The following RGSL1 variants were observed in gnomAD, a reference collection of about 807,000 sequenced individuals.
RGSL1 encodes regulator of G protein signaling protein-like.
RGSL1 carries 97 observed loss-of-function variants against 124.7 expected under a neutral mutation model. That is an observed-to-expected ratio of 0.78 (90% confidence interval 0.66 to 0.92). The LOEUF (loss-of-function observed/expected upper bound fraction) is 0.92, where lower values mean the gene tolerates loss of function less well. Ranked by LOEUF, RGSL1 falls within the 40% of genes least tolerant of loss-of-function variation. The probability of loss-of-function intolerance (pLI) is 0.00; values close to 1 mark genes in which losing one functional copy is unlikely to be tolerated. For synonymous variants in RGSL1, 424 were observed against 438.1 expected (o/e 0.97, Z 0.40); for missense variants, 1,233 against 1,288.4 (o/e 0.96, Z 0.66).
At chr1:182,462,530 T>C (rs1652932701) in intron 4 of RGSL1, among the ~76,000 whole-genome samples, 1 of 152,180 alleles carries the variant, frequency 6.6e-6, no homozygotes, top group Non-Finnish European at 1.5e-5. Flanking sequence ...ATTTAAGAGA[T>C]TAATATATGT....
intron 18 of RGSL1, among the ~76,000 whole-genome samples, chr1:182,552,756 G>T (rs937658493): frequency 6.6e-6 from 1 of 152,212 alleles, no homozygotes; most frequent in African/African-American, 2.4e-5. Flanking sequence ...AGGGCTTTAC[G>T]CTGCATCACC....
intron 21 of RGSL1, 93 bp downstream of exon 21, chr1:182,556,315 TC>T (rs1459022716): frequency 1.1e-4 from 46 of 429,840 alleles, no homozygotes; most frequent in Non-Finnish European, 1.6e-4. Context: ...CTCCACATCT[TC>T]CTGGCTGTGT....
intron 20 of RGSL1, chr1:182,555,167 T>A (rs1660793705): frequency 6.4e-6 from 1 of 157,328 alleles, no homozygotes; most frequent in African/African-American, 2.4e-5. Context: ...CTCCAGTGTC[T>A]ATTATTTCGC....
chr1:182,527,764 T>G lies in RGSL1; in HGVS notation c.2117T>G (p.Leu706Arg). The G allele has an allele frequency of 6.5e-7, 1 of 1,549,506 alleles. No homozygotes were observed. The highest frequency in any genetic ancestry group is 8.7e-7 in the Non-Finnish European group (1 of 1,145,618). The stretch of plus-strand genomic sequence containing the variant: ...ATCAAGACTTTCTTCCAAGGCCAAC[T>G]CTCTCCTGGTATGCATCCTCTTCTG... The part of the protein sequence containing the change: ...NVIKTFFQGQ[L>R]SPEEMLQCDA... The change falls in exon 11 of 22, where the codon CTC (leucine) becomes CGC (arginine). Residue 706 changes from leucine to arginine, a missense_variant. By Grantham distance (102) the Leu-to-Arg change is moderately radical. Transcript: ENST00000294854.
At chr1:182,452,114 C>A (rs1651890927) in intron 1 of RGSL1, among the ~76,000 whole-genome samples, 1 of 151,922 alleles carries the variant, frequency 6.6e-6, no homozygotes, top group Non-Finnish European at 1.5e-5. Flanking sequence ...GTAACTGGGA[C>A]TGGGAATGTA....
chr1:182,509,288 C>T (rs1320146282), intron 9 of RGSL1, among the ~76,000 whole-genome samples: 3 of 38,586 alleles, frequency 7.8e-5, no homozygotes, highest in African/African-American at 2.2e-4. Context: ...CCTCACCTCC[C>T]GGACGGGGCG....
At chr1:182,536,467 T>C (rs1252847822) in intron 14 of RGSL1, among the ~76,000 whole-genome samples, 1 of 152,248 alleles carries the variant, frequency 6.6e-6, no homozygotes, top group African/African-American at 2.4e-5. Flanking sequence ...TTTGGTATTA[T>C]CTGTCTTTTT....
chr1:182,524,701 G>A (rs1413348305), intron 10 of RGSL1, among the ~76,000 whole-genome samples: 1 of 152,146 alleles, frequency 6.6e-6, no homozygotes, highest in African/African-American at 2.4e-5. Context: ...CCAACAGAGG[G>A]CACTGATATG....
At chr1:182,449,709 G>A (rs1046669730), upstream of RGSL1, among the ~76,000 whole-genome samples, 4 of 152,198 alleles carry the variant, frequency 2.6e-5, no homozygotes, top group African/African-American at 9.7e-5. Context: ...ACAGCTCACA[G>A]CAGCCTTGAA....
intron 2 of RGSL1, among the ~76,000 whole-genome samples, chr1:182,455,178 A>T (rs1205790083): frequency 1.3e-5 from 2 of 152,212 alleles, no homozygotes; most frequent in Non-Finnish European, 2.9e-5. Flanking sequence ...CAGAGAGATC[A>T]TCCCTACCTG....
intron 1 of RGSL1, among the ~76,000 whole-genome samples, chr1:182,451,108 T>G (rs571259820): frequency 5.1e-4 from 73 of 141,924 alleles, no homozygotes; most frequent in African/African-American, 1.8e-3. Context: ...ATCTTGCCAC[T>G]GCATTCCAGC....
chr1:182,490,372 G>A (rs1162456647), intron 8 of RGSL1, among the ~76,000 whole-genome samples: 1 of 152,182 alleles, frequency 6.6e-6, no homozygotes, highest in Non-Finnish European at 1.5e-5. Context: ...TACATAGTAA[G>A]CAGGTGCTAA....
intron 14 of RGSL1, 38 bp downstream of exon 14, chr1:182,532,829 T>A: frequency 7.8e-6 from 12 of 1,535,854 alleles, no homozygotes; most frequent in Non-Finnish European, 1.1e-5. Flanking sequence ...TCCCTGTTGA[T>A]ATTTTAGCCA....
intron 11 of RGSL1, among the ~76,000 whole-genome samples, chr1:182,529,151 A>T (rs1658975607): frequency 6.6e-6 from 1 of 152,210 alleles, no homozygotes; most frequent in Admixed American, 6.5e-5. Flanking sequence ...CAAGTCTAAG[A>T]TACTTTCACA....
At chr1:182,490,585 T>G (rs1342770545) in intron 8 of RGSL1, among the ~76,000 whole-genome samples, 7 of 152,172 alleles carry the variant, frequency 4.6e-5, no homozygotes, top group African/African-American at 1.7e-4. Context: ...ATCCTGAGGA[T>G]CTTAGATTCT....
intron 9 of RGSL1, 115 bp downstream of exon 9, chr1:182,493,244 T>C (rs1655665604): frequency 2.8e-6 from 2 of 713,318 alleles, no homozygotes; most frequent in Admixed American, 2.7e-5. Flanking sequence ...CCATGCTCTG[T>C]TGGAAATGGA....
rs187953372 is a variant in RGSL1 at position 182,488,608 on chromosome 1, C to T, written c.1494+261C>T. On this transcript the variant is annotated intron_variant, in intron 7 of 21. Transcript: ENST00000294854. Reference sequence around the variant, plus strand: ...GGGCGTAGTGGCGGGCGCCTGTAGTCCCAGCTACTTGGGAGGCTGAGGCAG... The same window carrying T: ...GGGCGTAGTGGCGGGCGCCTGTAGTTCCAGCTACTTGGGAGGCTGAGGCAG... 6 of 412,218 alleles carry T rather than the reference C, an allele frequency of 1.5e-5. No homozygotes were observed. The Admixed American group carries it at 1.6e-4, about 11-fold the overall frequency. The allele number at this position is 412,218 out of a possible 1,614,324, so 25.5% of individuals were successfully genotyped here.
At chr1:182,498,381 C>A (rs1379136148) in intron 9 of RGSL1, among the ~76,000 whole-genome samples, 1 of 152,048 alleles carries the variant, frequency 6.6e-6, no homozygotes, top group African/African-American at 2.4e-5. Context: ...TGAAGAGCCT[C>A]ATTCCTTTTC....
At chr1:182,493,554 T>C (rs1335556347) in intron 9 of RGSL1, among the ~76,000 whole-genome samples, 1 of 152,120 alleles carries the variant, frequency 6.6e-6, no homozygotes, top group Non-Finnish European at 1.5e-5. Flanking sequence ...TGTGAAGCAA[T>C]CACAACAGGC....
Sources: gnomAD v4.1 joint callset for allele counts (sites outside exome capture counted in the v4.1 genomes callset) on GRCh38, gnomAD v4.1.1 for gene constraint, MANE v1.5 for transcripts, NCBI Gene and HGNC (gene_info 2026-07-23, HGNC 2026-07-21) for gene names.